The following EPG5 variants were observed in gnomAD, a reference collection of about 807,000 sequenced individuals.
EPG5 encodes the protein ectopic P granules protein 5 homolog.
EPG5 carries 159 observed loss-of-function variants against 302.7 expected under a neutral mutation model. The ratio of observed to expected loss-of-function variants is 0.53; its 90% CI spans 0.46 to 0.60. The LOEUF (loss-of-function observed/expected upper bound fraction) is 0.60. Ranked by LOEUF, EPG5 falls within the 20% of genes least tolerant of loss-of-function variation. EPG5 has a pLI of 0.00. For synonymous variants in EPG5, 1,158 were observed against 1,136.8 expected (o/e 1.02, Z -0.37); for missense variants, 2,896 against 3,092.4 (o/e 0.94, Z 1.51).
the EPG5 span, among the ~76,000 whole-genome samples, chr18:45,830,361 A>G: frequency 7.9e-5 from 12 of 152,190 alleles, no homozygotes; most frequent in South Asian, 1.7e-3. Flanking sequence ...GCATCAGTCA[A>G]CTGCTCCCTA....
At chr18:45,846,554 G>A (rs538605548), downstream of EPG5, among the ~76,000 whole-genome samples, 4 of 148,964 alleles carry the variant, frequency 2.7e-5, no homozygotes, top group South Asian at 2.1e-4. Flanking sequence ...AAAAGATCTC[G>A]GGGGTTCTAA....
At chr18:45,859,061 C>A in intron 40 of EPG5, among the ~76,000 whole-genome samples, 1 of 152,298 alleles carries the variant, frequency 6.6e-6, no homozygotes. Context: ...GGGCTGCATA[C>A]GTATAAATCA....
the EPG5 span, among the ~76,000 whole-genome samples, chr18:45,815,303 G>C: frequency 6.6e-6 from 1 of 152,018 alleles, no homozygotes; most frequent in African/African-American, 2.4e-5. Flanking sequence ...ACTATGAATG[G>C]AGCTGGGTGG....
rs555472930 is a variant in EPG5 at position 45,938,852 on chromosome 18, AG to A, written c.2099+747del. Among the ~76,000 whole-genome samples the A allele has an allele frequency of 2.9e-3, 443 of 152,352 alleles. 1 individual carries two copies. The highest frequency in any genetic ancestry group is 5.0e-3 in the Non-Finnish European group (341 of 68,036). The stretch of plus-strand genomic sequence containing the variant: ...CTTACTATACAACACAGAATAAATC[AG>A]GGGCTAAGGCTAAGAGTTACATGGC... On this transcript the variant is annotated intron_variant, in intron 10 of 43. Coordinates refer to ENST00000282041, the MANE Select transcript of EPG5 (RefSeq NM_020964.3).
At chr18:45,910,809 T>C in intron 22 of EPG5, 67 bp from the exon 23 acceptor site, 2 of 1,279,968 alleles carry the variant, frequency 1.6e-6, no homozygotes, top group Non-Finnish European at 2.2e-6. Flanking sequence ...TGGCATAAAA[T>C]AGCAGTTAAT....
chr18:45,964,416 G>A (rs957328743), intron 1 of EPG5, among the ~76,000 whole-genome samples: 3 of 152,056 alleles, frequency 2.0e-5, no homozygotes, highest in African/African-American at 7.2e-5. Flanking sequence ...CAATATCTTG[G>A]GGGAAAAAAA....
chr18:45,877,383 C>A (rs141809589), intron 34 of EPG5, among the ~76,000 whole-genome samples: 3 of 152,156 alleles, frequency 2.0e-5, no homozygotes, highest in Non-Finnish European at 4.4e-5. Context: ...CACGTCACTG[C>A]ACTCCAGCCT....
intron 3 of EPG5, among the ~76,000 whole-genome samples, chr18:45,951,776 A>C (rs1415596578): frequency 6.6e-6 from 1 of 152,062 alleles, no homozygotes. Flanking sequence ...ACTATTTTTT[A>C]TTTGAAAATC....
In EPG5 at chr18:45,935,103, C is replaced by T. The variant is rs1053050297; in HGVS notation, c.2100-137G>A. The T allele has an allele frequency of 7.8e-6, 7 of 893,630 alleles. No individual in the cohort carries two copies. The African/African-American group carries it at 1.0e-4, about 13-fold the overall frequency. 55.4% of individuals were successfully genotyped at this position (893,630 alleles called of 1,614,324 possible). ...TTCTAATATGCTTTAGTCATAAACA[C>T]CTCAAGGATGGCTAAGAATAACAGC... is the stretch of plus-strand genomic sequence containing the variant. On this transcript the variant is annotated intron_variant, in intron 10 of 43. Coordinates refer to ENST00000282041, the MANE Select transcript of EPG5 (RefSeq NM_020964.3).
chr18:45,818,422 T>C, the EPG5 span, among the ~76,000 whole-genome samples: 2 of 152,160 alleles, frequency 1.3e-5, no homozygotes, highest in Admixed American at 1.3e-4. Context: ...TCTAAAGAGA[T>C]GACTGGTTGA....
chr18:45,874,768 T>C (rs1345014663), intron 35 of EPG5, among the ~76,000 whole-genome samples: 1 of 152,116 alleles, frequency 6.6e-6, no homozygotes, highest in Non-Finnish European at 1.5e-5. Context: ...ACCATATCAC[T>C]CTATAACTAA....
Position 45,939,651 on chromosome 18 carries a change from T to C in EPG5, c.2048A>G (p.Glu683Gly). ...AGCCCTCAAAAACAGTTCATCAAATTCAACCTGTAGTTTCTCCATAGAGTA... is the reference window on the plus strand; with the variant it reads ...AGCCCTCAAAAACAGTTCATCAAATCCAACCTGTAGTTTCTCCATAGAGTA... ...QPYSMEKLQV[E>G]FDELFLRAVL... is the part of the protein sequence containing the mutation. Residue 683 changes from glutamate to glycine, a missense_variant, in exon 10 of 44, where the codon GAA becomes GGA. By Grantham distance (98) the Glu-to-Gly change is moderately conservative. This residue lies in a region of EPG5 where 1,390 missense variants were observed against 1,430.0 expected (regional missense o/e 0.97). Transcript: ENST00000282041. 1 of 1,614,166 alleles carries C rather than the reference T, an allele frequency of 6.2e-7. No individual in the cohort carries two copies. The highest frequency in any genetic ancestry group is 1.7e-5 in the Admixed American group (1 of 60,022).
intron 36 of EPG5, chr18:45,868,023 G>A (rs2048784138): frequency 1.9e-6 from 1 of 514,078 alleles, no homozygotes; most frequent in East Asian, 5.2e-5. Flanking sequence ...ACCCCAACCT[G>A]GGTGGAGAAT....
Position 45,860,243 on chromosome 18 carries a change from G to A in EPG5, c.6870C>T (p.Gly2290=), listed in dbSNP as rs765312465. 2.5e-6 allele frequency: 4 copies of A among 1,614,206 alleles called. No individual in the cohort carries two copies. The South Asian group carries it at 3.3e-5, about 13-fold the overall frequency. Residue 2290 remains glycine (G), a synonymous_variant, in exon 40 of 44, where the codon GGC becomes GGT. Coordinates refer to ENST00000282041, the MANE Select transcript of EPG5 (RefSeq NM_020964.3). ...TTTGGCCAATCCAGGTCCGGATACT[G>A]CCCCGAAGGAACTCTGCTGTTGGAA... The part of the protein sequence containing the change: ...ATIPTAEFLR[G]SIRTWIGQKM...
At chr18:45,938,785 G>A (rs76178885) in intron 10 of EPG5, among the ~76,000 whole-genome samples, 4,783 of 152,228 alleles carry the variant, frequency 0.031, 217 homozygotes, top group African/African-American at 0.1. Flanking sequence ...AATATTAAGC[G>A]ACTTTCCCAG....
chr18:45,858,017 C>G lies in EPG5; in HGVS notation c.7278G>C (p.Gln2426His). The G allele has an allele frequency of 6.2e-7, 1 of 1,613,928 alleles. No individual in the cohort carries two copies. Among genetic ancestry groups the G allele is most frequent in the Non-Finnish European group, 8.5e-7 (1 of 1,180,010 alleles). ...KLFLWWHQVLQLSLIQTEQND... is the reference protein window; with the variant it reads ...KLFLWWHQVLHLSLIQTEQND... ...TCTGCTCTGTCTGAATGAGGGAGAG[C>G]TGAAGGACTTGGTGCCACCACAAAA... Residue 2426 changes from glutamine (Q) to histidine (H), a missense_variant, in exon 42 of 44, where the codon CAG (glutamine) becomes CAC (histidine). By Grantham distance (24) the Gln-to-His change is conservative (BLOSUM62 0). Transcript: ENST00000282041.
At chr18:45,943,846 G>A (rs551216603) in intron 8 of EPG5, among the ~76,000 whole-genome samples, 159 bp downstream of exon 8, 44 of 152,174 alleles carry the variant, frequency 2.9e-4, no homozygotes, top group Admixed American at 8.5e-4. Flanking sequence ...GCGTGAACCT[G>A]GGAGGCAGAG....
chr18:45,837,986 C>A, the EPG5 span: 2 of 1,378,540 alleles, frequency 1.5e-6, no homozygotes, highest in South Asian at 3.2e-5. Flanking sequence ...AGGCGCTGTG[C>A]TGAGCCAGGA....
At position 45,927,534 on chromosome 18, in the gene EPG5, T is replaced by C. The variant is rs2050299884; in HGVS notation, c.2553+1335A>G. The stretch of plus-strand genomic sequence containing the variant: ...TTCACAGAAACATTATTCACAATAG[T>C]CAAAAGGCAGAAGCAACCCAAGTCC... On this transcript the variant is annotated intron_variant, in intron 13 of 43. Coordinates refer to ENST00000282041, the MANE Select transcript of EPG5 (RefSeq NM_020964.3). 2.0e-5 allele frequency among the ~76,000 whole-genome samples: 3 copies of C among 146,898 alleles called. 1 individual carries two copies. In the South Asian group the frequency reaches 6.4e-4, roughly 32 times the overall value.
Sources: gnomAD v4.1 joint callset for allele counts (sites outside exome capture counted in the v4.1 genomes callset) on GRCh38, gnomAD v4.1.1 for gene constraint, gnomAD v4.1.1 regional missense constraint, MANE v1.5 for transcripts, NCBI Gene and HGNC (gene_info 2026-07-23, HGNC 2026-07-21) for gene names.